The following DLG2 variants were observed in gnomAD, a reference collection of about 807,000 sequenced individuals.
DLG2 encodes the protein discs large MAGUK scaffold protein 2.
A neutral mutation model predicts 132.5 loss-of-function variants in DLG2; 45 were observed. That is an observed-to-expected ratio of 0.34 (90% CI 0.27 to 0.44). DLG2 has a LOEUF of 0.44. Among genes scored for constraint, DLG2 ranks in the 20% least tolerant of loss-of-function variants. DLG2 has a pLI of 1.00. For missense variants in DLG2, 1,045 were observed against 1,196.9 expected (o/e 0.87, Z 1.87); for synonymous variants, 424 against 419.6 (o/e 1.01, Z -0.13).
intron 3 of DLG2, among the ~76,000 whole-genome samples, chr11:85,521,482 G>A (rs1470696919): frequency 6.6e-6 from 1 of 152,170 alleles, no homozygotes; most frequent in Non-Finnish European, 1.5e-5. Context: ...ATAGCAGTGT[G>A]AGAATGGACT....
chr11:85,506,131 T>C (rs1007276904), intron 3 of DLG2, among the ~76,000 whole-genome samples: 3 of 152,142 alleles, frequency 2.0e-5, no homozygotes, highest in African/African-American at 7.2e-5. Context: ...TTAGTCTGGC[T>C]AGTGGTCTAT....
intron 3 of DLG2, among the ~76,000 whole-genome samples, chr11:85,317,616 G>C (rs2080776096): frequency 6.6e-6 from 1 of 151,798 alleles, no homozygotes; most frequent in African/African-American, 2.4e-5. Flanking sequence ...GGAAAGAATT[G>C]AGCATTTAGG....
intron 9 of DLG2, among the ~76,000 whole-genome samples, chr11:84,157,154 A>G (rs2095444370): frequency 1.3e-5 from 2 of 152,234 alleles, no homozygotes; most frequent in Admixed American, 6.5e-5. Context: ...AAAATCTTAT[A>G]GTTTAATTAA....
intron 6 of DLG2, among the ~76,000 whole-genome samples, chr11:84,989,200 G>T (rs533104385): frequency 2.0e-5 from 3 of 152,028 alleles, no homozygotes; most frequent in Non-Finnish European, 4.4e-5. Context: ...TTTTGAGATG[G>T]AGTTTCGCTC....
chr11:84,826,540 A>C (rs1230928141), intron 6 of DLG2, among the ~76,000 whole-genome samples: 1 of 151,916 alleles, frequency 6.6e-6, no homozygotes, highest in African/African-American at 2.4e-5. Flanking sequence ...TTAATTCCTC[A>C]GTATCAGAAA....
At chr11:84,103,074 A>G (rs1432131007) in intron 9 of DLG2, among the ~76,000 whole-genome samples, 2 of 152,108 alleles carry the variant, frequency 1.3e-5, no homozygotes, top group East Asian at 1.9e-4. Flanking sequence ...TTGTGTTTCA[A>G]TTAAAACTAG....
intron 18 of DLG2, among the ~76,000 whole-genome samples, chr11:83,760,189 C>CATT (rs985430601): frequency 6.6e-6 from 1 of 152,166 alleles, no homozygotes; most frequent in African/African-American, 2.4e-5. Flanking sequence ...ATGCTCAGTT[C>CATT]ATTAAAAGCC....
At chr11:84,009,263 T>C (rs188860245) in intron 11 of DLG2, among the ~76,000 whole-genome samples, 1 of 152,098 alleles carries the variant, frequency 6.6e-6, no homozygotes. Flanking sequence ...ACATTTGCCA[T>C]GATATTTTGG....
At chr11:84,429,268 C>T (rs1026661234) in intron 7 of DLG2, among the ~76,000 whole-genome samples, 6 of 152,106 alleles carry the variant, frequency 3.9e-5, no homozygotes, top group Non-Finnish European at 2.9e-5. Flanking sequence ...CAAATCTTTC[C>T]CTTTAAGGAT....
chr11:83,746,893 A>C (rs1285556661), intron 18 of DLG2, among the ~76,000 whole-genome samples: 1 of 152,206 alleles, frequency 6.6e-6, no homozygotes, highest in East Asian at 1.9e-4. Context: ...TTGAACAATA[A>C]TATAAACACA....
chr11:85,052,662 T>C (rs1000760438), intron 6 of DLG2, among the ~76,000 whole-genome samples: 1 of 152,208 alleles, frequency 6.6e-6, no homozygotes, highest in Non-Finnish European at 1.5e-5. Context: ...GGTATGCAAA[T>C]TGGTTGCCAA....
chr11:84,645,979 A>G lies in DLG2; in HGVS notation c.358-111248T>C, dbSNP rs570946353. Among the ~76,000 whole-genome samples, 103 of 152,348 alleles carry G rather than the reference A, an allele frequency of 6.8e-4. 3 individuals are homozygous for G. The South Asian group carries it at 0.021, about 31-fold the overall frequency. On this transcript the variant is annotated intron_variant, in intron 6 of 27. Transcript: ENST00000376104. The stretch of plus-strand genomic sequence containing the variant: ...AATAATTTGTCACATTTCTTCCACA[A>G]TGATGATGGTGTGAGATATCTTCCC...
chr11:84,801,504 G>C (rs1200021603), intron 6 of DLG2, among the ~76,000 whole-genome samples: 7 of 152,190 alleles, frequency 4.6e-5, no homozygotes, highest in Non-Finnish European at 8.8e-5. Context: ...GGCGCTTGCA[G>C]TGAGCGGAGA....
intron 6 of DLG2, among the ~76,000 whole-genome samples, chr11:84,783,820 T>G (rs1239385876): frequency 6.6e-6 from 1 of 152,110 alleles, no homozygotes; most frequent in African/African-American, 2.4e-5. Context: ...ATTATTGGTA[T>G]CTGTATGTTT....
intron 3 of DLG2, among the ~76,000 whole-genome samples, chr11:85,489,321 A>C (rs1234158692): frequency 6.6e-6 from 1 of 152,232 alleles, no homozygotes; most frequent in Non-Finnish European, 1.5e-5. Context: ...ACATTATGTC[A>C]CTATATAATA....
At position 84,335,215 on chromosome 11, in the gene DLG2, G is replaced by A. The variant is rs569939864; in HGVS notation, c.520-83924C>T. ...GGAAGGGAAGGGAAAGGAAAGGAAT[G>A]AAGGAAGGGAAGGAATGAAGGAAGG... On this transcript the variant is annotated intron_variant, in intron 7 of 27. Coordinates refer to ENST00000376104, the MANE Select transcript of DLG2 (RefSeq NM_001142699.3). Among the ~76,000 whole-genome samples, 7 of 146,780 alleles carry A rather than the reference G, an allele frequency of 4.8e-5. No individual in the cohort carries two copies. The East Asian group carries it at 1.4e-3, about 30-fold the overall frequency.
chr11:84,505,409 A>G (rs965197326), intron 7 of DLG2, among the ~76,000 whole-genome samples: 1 of 152,158 alleles, frequency 6.6e-6, no homozygotes, highest in South Asian at 2.1e-4. Flanking sequence ...TAGTTAGGCA[A>G]TCTGAGACTT....
At chr11:84,738,230 C>CTT (rs544978842) in intron 6 of DLG2, among the ~76,000 whole-genome samples, 1 of 149,622 alleles carries the variant, frequency 6.7e-6, no homozygotes. Flanking sequence ...TTTTCTTTTT[C>CTT]TTTTTTTTTG....
chr11:83,685,499 A>G (rs2153606442), intron 18 of DLG2, among the ~76,000 whole-genome samples: 1 of 151,784 alleles, frequency 6.6e-6, no homozygotes, highest in East Asian at 1.9e-4. Flanking sequence ...GGTTATCAAG[A>G]CCCCCTTGGT....
Sources: gnomAD v4.1 joint callset for allele counts (sites outside exome capture counted in the v4.1 genomes callset) on GRCh38, gnomAD v4.1.1 for gene constraint, MANE v1.5 for transcripts, NCBI Gene and HGNC (gene_info 2026-07-23, HGNC 2026-07-21) for gene names.